Variants in USO1 observed in about 807,000 individuals in gnomAD.
USO1 encodes the protein USO1 vesicle transport factor.
In USO1, 57 loss-of-function variants were observed where a neutral mutation model predicts 124.5. The observed-to-expected ratio is 0.46, with a 90% CI of 0.37 to 0.57. USO1 has a LOEUF of 0.57. USO1 is among the 20% of genes least tolerant of loss of function. USO1 has a pLI of 0.00. For synonymous variants in USO1, 369 were observed against 362.8 expected, an observed-to-expected ratio of 1.02 and a Z score of -0.19; for missense variants, 900 against 1,040.6, an observed-to-expected ratio of 0.86 and a Z score of 1.86.
At position 75,768,523 on chromosome 4, in the gene USO1, A is replaced by G. The variant is rs181109654; in HGVS notation, c.296-1916A>G. 9.8e-5 allele frequency among the ~76,000 whole-genome samples: 15 copies of G among 152,318 alleles called. No homozygotes were observed. In the East Asian group the frequency reaches 2.3e-3, roughly 23 times the overall value. ...CTTTCTAAGCTTACTTATTAGTTCT[A>G]TTAGCTCTTTTGTAGATTCCATAGG... On this transcript the variant is annotated intron_variant, in intron 4 of 23. Transcript: ENST00000514213.
At position 75,796,341 on chromosome 4, in the gene USO1, C is replaced by CTTTTTTTTTTTTT. The variant is rs533041107; in HGVS notation, c.1452+2452_1452+2453insTTTTTTTTTTTTT. Among the ~76,000 whole-genome samples the CTTTTTTTTTTTTT allele has an allele frequency of 5.4e-3, 551 of 101,950 alleles. 47 individuals are homozygous for CTTTTTTTTTTTTT. The highest frequency in any genetic ancestry group is 0.016 in the African/African-American group (513 of 32,632). 66.9% of individuals were successfully genotyped at this position (101,950 alleles called of 152,430 possible). On this transcript the variant is annotated intron_variant, in intron 13 of 23. Transcript: ENST00000514213. ...TAATCCCAGAAAGTTCCATCATGCT[C>CTTTTTTTTTTTTT]TTTTTTTTTTTTGAGACGGAGTCTC...
rs1720332404 is a variant in USO1 at position 75,724,661 on chromosome 4, G to A, written c.-159G>A. The A allele has an allele frequency of 3.0e-6, 2 of 656,004 alleles. No individual in the cohort carries two copies. Among genetic ancestry groups the A allele is most frequent in the African/African-American group, 1.9e-5 (1 of 52,222 alleles). The allele number at this position is 656,004 out of a possible 1,614,324, so 40.6% of individuals were successfully genotyped here. A position where few individuals can be genotyped will look rare whatever the true frequency, so the allele number is the denominator to read the frequency against. ...TTGGCCGCTGCTGGCGGCTGTTTCCGGGCTTAGAGGGCTGGAGTGGCCGCC... is the reference window on the plus strand; with the variant it reads ...TTGGCCGCTGCTGGCGGCTGTTTCCAGGCTTAGAGGGCTGGAGTGGCCGCC... On this transcript the variant is annotated 5_prime_UTR_variant, in exon 1 of 24. Coordinates refer to ENST00000514213, the MANE Select transcript of USO1 (RefSeq NM_003715.4).
At chr4:75,756,111 A>C (rs1194705285) in intron 3 of USO1, among the ~76,000 whole-genome samples, 1 of 150,266 alleles carries the variant, frequency 6.7e-6, no homozygotes, top group South Asian at 2.1e-4. Flanking sequence ...GGGAGCTTGC[A>C]GTGAGTCAAG....
chr4:75,774,860 G>A lies in USO1; in HGVS notation c.676+64G>A, dbSNP rs539468029. The stretch of plus-strand genomic sequence containing the variant: ...TACTCACTGACTTGTTAGGGTATAG[G>A]GAATACAGTTGGAGGGAGAAATGGG... On this transcript the variant is annotated intron_variant, in intron 8 of 23. Transcript: ENST00000514213. 141 of 1,525,102 alleles carry A rather than the reference G, an allele frequency of 9.2e-5. 2 individuals carry two copies. The South Asian group carries it at 1.7e-3, about 18-fold the overall frequency. The allele number at this position is 1,525,102 out of a possible 1,614,324, so 94.5% of individuals were successfully genotyped here.
At chr4:75,756,861 C>G (rs558584143) in intron 3 of USO1, among the ~76,000 whole-genome samples, 2 of 151,886 alleles carry the variant, frequency 1.3e-5, no homozygotes, top group South Asian at 2.1e-4. Context: ...GAAAAACACT[C>G]TAGTAGTTGA....
At chr4:75,727,752 C>T (rs1468213773) in intron 1 of USO1, among the ~76,000 whole-genome samples, 1 of 151,728 alleles carries the variant, frequency 6.6e-6, no homozygotes, top group Non-Finnish European at 1.5e-5. Context: ...GGTGGCTTTC[C>T]ATCTTTCTTG....
chr4:75,812,558 AG>A (rs1171725533), intron 23 of USO1, among the ~76,000 whole-genome samples, 183 bp downstream of exon 23: 1 of 152,204 alleles, frequency 6.6e-6, no homozygotes, highest in African/African-American at 2.4e-5. Context: ...TACACAGATT[AG>A]GTTCAGTTTT....
intron 1 of USO1, among the ~76,000 whole-genome samples, chr4:75,740,351 G>A (rs921132391): frequency 2.0e-5 from 3 of 152,120 alleles, no homozygotes; most frequent in Admixed American, 6.5e-5. Context: ...TCAGTGGCAC[G>A]ACTGTGGCTC....
intron 9 of USO1, among the ~76,000 whole-genome samples, chr4:75,785,025 A>G (rs987022631): frequency 6.6e-6 from 1 of 152,230 alleles, no homozygotes; most frequent in Non-Finnish European, 1.5e-5. Flanking sequence ...TCCACCTGCA[A>G]TACTGAATAG....
At chr4:75,735,527 T>C (rs970379201) in intron 1 of USO1, among the ~76,000 whole-genome samples, 1 of 152,154 alleles carries the variant, frequency 6.6e-6, no homozygotes, top group Non-Finnish European at 1.5e-5. Flanking sequence ...TTTGATAGTT[T>C]TTCTTTTTTT....
At chr4:75,788,079 T>C (rs1447018574) in intron 10 of USO1, among the ~76,000 whole-genome samples, 1 of 152,062 alleles carries the variant, frequency 6.6e-6, no homozygotes, top group African/African-American at 2.4e-5. Context: ...CTGGGAATTT[T>C]TTTTGCCATC....
chr4:75,774,750 C>T lies in USO1; in HGVS notation c.630C>T (p.Phe210=), dbSNP rs747871568. ...AAATTGTTGCTTTTGAAAATGCTTT[C>T]GAGAGACTACTGGACATTATTTCAG... is the stretch of plus-strand genomic sequence containing the variant. ...IQKIVAFENA[F]ERLLDIISEE... The change falls in exon 8 of 24, where the codon TTC becomes TTT. Residue 210 remains phenylalanine (F), a synonymous_variant. Coordinates refer to ENST00000514213, the MANE Select transcript of USO1 (RefSeq NM_003715.4). The T allele has an allele frequency of 2.6e-5, 42 of 1,613,472 alleles. No individual in the cohort carries two copies. Among genetic ancestry groups the T allele is most frequent in the African/African-American group, 5.3e-5 (4 of 74,874 alleles).
At chr4:75,749,712 C>G (rs1337115056) in intron 1 of USO1, among the ~76,000 whole-genome samples, 1 of 150,100 alleles carries the variant, frequency 6.7e-6, no homozygotes, top group Non-Finnish European at 1.5e-5. Context: ...TACTAATTGG[C>G]CGAGCTAGAA....
chr4:75,770,757 G>A (rs1721904637), intron 5 of USO1, 65 bp from the exon 6 acceptor site: 5 of 1,571,680 alleles, frequency 3.2e-6, no homozygotes, highest in Middle Eastern at 1.7e-4. Flanking sequence ...GTTATTAGTG[G>A]AAAAAATGTT....
rs372883976 is a variant in USO1, at chr4:75,800,802, A to G, written c.1864+3A>G. ...GAAGCTGGTAAAAGAACTTGAAGGT[A>G]AGACTGAAGATTTATATTGATATTT... On this transcript the variant is annotated splice_donor_region_variant and intron_variant, in intron 16 of 23. Coordinates refer to ENST00000514213, the MANE Select transcript of USO1 (RefSeq NM_003715.4). 9.2e-5 allele frequency: 148 copies of G among 1,611,466 alleles called. No homozygotes were observed. The African/African-American group carries it at 1.8e-3, about 20-fold the overall frequency.
chr4:75,728,036 A>T (rs1018206869), intron 1 of USO1, among the ~76,000 whole-genome samples: 7 of 152,186 alleles, frequency 4.6e-5, no homozygotes, highest in Non-Finnish European at 8.8e-5. Flanking sequence ...TACTTGTGAA[A>T]TGAATTAATT....
Position 75,757,519 on chromosome 4 carries a change from T to A in USO1, c.241T>A (p.Tyr81Asn), listed in dbSNP as rs1431840361. 1.3e-6 allele frequency: 2 copies of A among 1,516,902 alleles called. No homozygotes were observed. Among genetic ancestry groups the A allele is most frequent in the Non-Finnish European group, 1.8e-6 (2 of 1,131,148 alleles). The allele number at this position is 1,516,902 out of a possible 1,614,324, so 94.0% of individuals were successfully genotyped here. The stretch of plus-strand genomic sequence containing the variant: ...CAGTTCAGATTCTGAAATAATAGGT[T>A]ATGCTTTGGACACACTATATAATAT... ...TDRSDSEIIG[Y>N]ALDTLYNIIS... Residue 81 changes from tyrosine (Y) to asparagine (N), a missense_variant, in exon 4 of 24, where the codon TAT becomes AAT. Tyr to Asn is a moderately radical substitution (Grantham distance 143). Around this residue, in one of 2 missense-constraint regions of USO1, gnomAD observed 538 missense variants for 681.6 expected, o/e 0.79. Transcript: ENST00000514213.
In USO1 at chr4:75,790,723, T is replaced by C. The variant is rs1216377174; in HGVS notation, c.1166T>C (p.Phe389Ser). 2 of 1,613,752 alleles carry C rather than the reference T, an allele frequency of 1.2e-6. No homozygotes were observed. The highest frequency in any genetic ancestry group is 1.7e-6 in the Non-Finnish European group (2 of 1,179,764). ...TTGCGCTGTGCTGTTCTCTATTGTTTCCAGTGTTTCTTGTATAAAAACCAA... is the reference window on the plus strand; with the variant it reads ...TTGCGCTGTGCTGTTCTCTATTGTTCCCAGTGTTTCTTGTATAAAAACCAA... ...FVLRCAVLYCFQCFLYKNQKG... is the reference protein window; with the variant it reads ...FVLRCAVLYCSQCFLYKNQKG... The change falls in exon 12 of 24, where the codon TTC becomes TCC. Residue 389 changes from phenylalanine to serine, a missense_variant. Physicochemically the swap from Phe to Ser is radical, Grantham distance 155. Coordinates refer to ENST00000514213, the MANE Select transcript of USO1 (RefSeq NM_003715.4).
intron 1 of USO1, among the ~76,000 whole-genome samples, chr4:75,750,044 C>T (rs942102675): frequency 1.3e-5 from 2 of 152,204 alleles, no homozygotes; most frequent in East Asian, 1.9e-4. Flanking sequence ...TGAGCCACCA[C>T]GCCCGGCCTA....
Sources: gnomAD v4.1 joint callset for allele counts (sites outside exome capture counted in the v4.1 genomes callset) on GRCh38, gnomAD v4.1.1 for gene constraint, gnomAD v4.1.1 regional missense constraint, MANE v1.5 for transcripts, NCBI Gene and HGNC (gene_info 2026-07-23, HGNC 2026-07-21) for gene names.